The following CUBN variants were observed in gnomAD, a reference collection of about 807,000 sequenced individuals.
The protein encoded by CUBN is 460 kDa receptor.
CUBN carries 282 observed loss-of-function variants against 405.3 expected under a neutral mutation model. The ratio of observed to expected loss-of-function variants is 0.70; its 90% CI spans 0.63 to 0.77. The LOEUF (loss-of-function observed/expected upper bound fraction) is 0.77, where lower values mean the gene tolerates loss of function less well. CUBN is among the 30% of genes least tolerant of loss of function. The pLI is 0.00. For missense variants in CUBN, 4,514 were observed against 4,475.2 expected, an observed-to-expected ratio of 1.01 and a Z score of -0.25; for synonymous variants, 1,684 against 1,617.0, an observed-to-expected ratio of 1.04 and a Z score of -0.99.
chr10:16,913,830 C>A lies in CUBN; in HGVS notation c.7514G>T (p.Cys2505Phe), dbSNP rs1564420487. The change falls in exon 48 of 67, where the codon TGC (cysteine) becomes TTC (phenylalanine). Residue 2505 changes from cysteine to phenylalanine, a missense_variant. By Grantham distance (205) the Cys-to-Phe change is radical (BLOSUM62 -2). Coordinates refer to ENST00000377833, the MANE Select transcript of CUBN (RefSeq NM_001081.4). Reference protein sequence around the residue: ...NNLRLATHPSCNNEHVIVFNG... With the variant: ...NNLRLATHPSFNNEHVIVFNG... ...ACTTACTATCACATGCTCATTGTTG[C>A]AGGACGGATGCGTGGCCAGCCTCAG... The A allele has an allele frequency of 1.2e-6, 2 of 1,613,746 alleles. No individual in the cohort carries two copies. Among genetic ancestry groups the A allele is most frequent in the Non-Finnish European group, 8.5e-7 (1 of 1,180,014 alleles).
intron 14 of CUBN, among the ~76,000 whole-genome samples, 167 bp downstream of exon 14, chr10:17,099,838 T>A (rs1836457008): frequency 6.6e-6 from 1 of 152,006 alleles, no homozygotes; most frequent in Non-Finnish European, 1.5e-5. Flanking sequence ...GGCAACAGAG[T>A]AAGACCTTGT....
At chr10:17,020,053 C>G (rs1049747130) in intron 27 of CUBN, 70 bp from the exon 28 acceptor site, 108 of 1,564,550 alleles carry the variant, frequency 6.9e-5, no homozygotes, top group Non-Finnish European at 8.8e-5. Flanking sequence ...CAAGTCTACA[C>G]AAGTAGCAAA....
At position 16,937,487 on chromosome 10, in the gene CUBN, G is replaced by A. The variant is rs1842543248; in HGVS notation, c.5926+105C>T. ...TGAACATATGGTGGAAGGGCTTTGGGGCTGTACTTATTTTTATATCTGACC... is the reference window on the plus strand; with the variant it reads ...TGAACATATGGTGGAAGGGCTTTGGAGCTGTACTTATTTTTATATCTGACC... On this transcript the variant is annotated intron_variant, in intron 39 of 66. Coordinates refer to ENST00000377833, the MANE Select transcript of CUBN (RefSeq NM_001081.4). The A allele has an allele frequency of 2.4e-5, 22 of 901,584 alleles. No individual in the cohort carries two copies. In the South Asian group the frequency reaches 3.1e-4, roughly 13 times the overall value. 55.8% of individuals were successfully genotyped at this position (901,584 alleles called of 1,614,324 possible). A position where few individuals can be genotyped will look rare whatever the true frequency, so the allele number is the denominator to read the frequency against.
chr10:17,109,911 C>T (rs1564519051), intron 9 of CUBN, among the ~76,000 whole-genome samples, 176 bp from the exon 10 acceptor site: 1 of 151,878 alleles, frequency 6.6e-6, no homozygotes, highest in Non-Finnish European at 1.5e-5. Flanking sequence ...AGAAAAATAA[C>T]AAGAATTAGT....
intron 22 of CUBN, among the ~76,000 whole-genome samples, chr10:17,051,023 T>C (rs1389592101): frequency 1.3e-5 from 2 of 151,708 alleles, no homozygotes; most frequent in African/African-American, 4.8e-5. Flanking sequence ...CAATCTATCA[T>C]GTCCACTATA....
intron 59 of CUBN, among the ~76,000 whole-genome samples, chr10:16,862,160 T>TCTCTCACA (rs144560387): frequency 2.3e-5 from 3 of 131,164 alleles, no homozygotes; most frequent in African/African-American, 9.8e-5. Flanking sequence ...TCTCTCTCTC[T>TCTCTCACA]CACACACACA....
intron 43 of CUBN, among the ~76,000 whole-genome samples, 177 bp from the exon 44 acceptor site, chr10:16,920,314 C>T (rs142909513): frequency 1.5e-4 from 23 of 152,322 alleles, no homozygotes; most frequent in Middle Eastern, 6.8e-3. Flanking sequence ...GAGGGAGCTA[C>T]GAGGTGTGAC....
chr10:17,044,306 TAATA>T (rs1302449149), intron 25 of CUBN, among the ~76,000 whole-genome samples: 1 of 147,688 alleles, frequency 6.8e-6, no homozygotes, highest in Non-Finnish European at 1.5e-5. Flanking sequence ...TCTTTATATA[TAATA>T]AATATATATT....
Position 16,937,674 on chromosome 10 carries a change from G to A in CUBN, c.5844C>T (p.Asp1948=). The A allele has an allele frequency of 6.2e-7, 1 of 1,614,064 alleles. No individual in the cohort carries two copies. Among genetic ancestry groups the A allele is most frequent in the Non-Finnish European group, 8.5e-7 (1 of 1,179,990 alleles). The change falls in exon 39 of 67, where the codon GAC becomes GAT. Residue 1948 remains aspartate (D), a synonymous_variant. Transcript: ENST00000377833. Reference sequence around the variant, plus strand: ...GGAATCCCTTCCCTGAGATTGAAGAGTCGGAGTAAAAATGAAATGTCAAAG... The same window carrying A: ...GGAATCCCTTCCCTGAGATTGAAGAATCGGAGTAAAAATGAAATGTCAAAG... The part of the protein sequence containing the change: ...GNSLTFHFYS[D]SSISGKGFLL...
chr10:17,127,981 C>T, intron 2 of CUBN, 57 bp from the exon 3 acceptor site: 1 of 1,189,904 alleles, frequency 8.4e-7, no homozygotes, highest in Admixed American at 1.8e-5. Context: ...TCATATTTAT[C>T]TTTACAGTAA....
intron 40 of CUBN, among the ~76,000 whole-genome samples, chr10:16,929,800 A>C (rs1183206379): frequency 6.6e-6 from 1 of 152,230 alleles, no homozygotes; most frequent in East Asian, 1.9e-4. Context: ...CCTGTACTAC[A>C]AAATTTTGAA....
At chr10:17,023,208 G>C (rs1834548996) in intron 27 of CUBN, among the ~76,000 whole-genome samples, 1 of 151,906 alleles carries the variant, frequency 6.6e-6, no homozygotes, top group Non-Finnish European at 1.5e-5. Context: ...TGGGGGTGGA[G>C]GGGCTAGGCA....
intron 28 of CUBN, among the ~76,000 whole-genome samples, chr10:17,007,221 T>C (rs7901365): frequency 0.42 from 59,261 of 139,606 alleles, 12,187 homozygotes; most frequent in East Asian, 0.61. Context: ...CCTCCAAGGC[T>C]GAATTCAGCC....
At chr10:17,114,768 G>A (rs1836850844) in intron 7 of CUBN, among the ~76,000 whole-genome samples, 1 of 152,132 alleles carries the variant, frequency 6.6e-6, no homozygotes, top group African/African-American at 2.4e-5. Context: ...TCTGGGGAGT[G>A]GGCTCTTAGA....
rs1838729663 is a variant in CUBN at position 16,824,909 on chromosome 10, G to C, written c.*66C>G. On this transcript the variant is annotated 3_prime_UTR_variant, in exon 67 of 67. Transcript: ENST00000377833. Reference sequence around the variant, plus strand: ...GGCATCAGCAGGGGTCATGTATCAGGATGGCAGAGTGCTGTCCAGCGTGCT... The same window carrying C: ...GGCATCAGCAGGGGTCATGTATCAGCATGGCAGAGTGCTGTCCAGCGTGCT... 5.5e-6 allele frequency: 6 copies of C among 1,100,606 alleles called. No homozygotes were observed. Among genetic ancestry groups the C allele is most frequent in the Non-Finnish European group, 8.4e-6 (6 of 716,810 alleles). 68.2% of individuals were successfully genotyped at this position (1,100,606 alleles called of 1,614,324 possible).
At chr10:17,113,148 C>T (rs1473095456) in intron 8 of CUBN, among the ~76,000 whole-genome samples, 1 of 151,988 alleles carries the variant, frequency 6.6e-6, no homozygotes, top group Non-Finnish European at 1.5e-5. Context: ...GCCTGTAATC[C>T]CAGCTACTCG....
intron 56 of CUBN, among the ~76,000 whole-genome samples, chr10:16,880,159 G>A (rs1840627626): frequency 6.6e-6 from 1 of 152,356 alleles, no homozygotes; most frequent in East Asian, 1.9e-4. Context: ...AAACCAGGTT[G>A]AATCAAGTTT....
intron 54 of CUBN, among the ~76,000 whole-genome samples, chr10:16,893,346 G>A (rs1256917017): frequency 2.6e-5 from 4 of 151,960 alleles, no homozygotes; most frequent in African/African-American, 9.7e-5. Context: ...CAGGTTACTG[G>A]CATTGACATA....
chr10:17,074,190 T>A (rs535131055), intron 17 of CUBN, among the ~76,000 whole-genome samples: 64 of 152,272 alleles, frequency 4.2e-4, no homozygotes, highest in Middle Eastern at 6.8e-3. Flanking sequence ...GAACTTACAA[T>A]AGGCAGGAAC....
Sources: allele counts gnomAD v4.1 joint callset (sites outside exome capture counted in the v4.1 genomes callset), GRCh38; gene constraint gnomAD v4.1.1; transcripts MANE v1.5; gene names NCBI Gene and HGNC (gene_info 2026-07-23, HGNC 2026-07-21).